FREM1: variants seen among roughly 807,000 people sequenced by gnomAD.
FREM1 encodes FRAS1 related extracellular matrix 1.
FREM1 carries 220 observed loss-of-function variants against 210.1 expected under a neutral mutation model. That is an observed-to-expected ratio of 1.05 (90% CI 0.94 to 1.17). The LOEUF is 1.17. Ranked by LOEUF, FREM1 falls within the 50% of genes most tolerant of loss-of-function variation. FREM1 has a pLI of 0.00. For missense variants in FREM1, 3,454 were observed against 2,675.5 expected, an observed-to-expected ratio of 1.29 and a Z score of -6.42; for synonymous variants, 1,189 against 980.2, an observed-to-expected ratio of 1.21 and a Z score of -3.98.
chr9:14,748,229 C>A (rs557165996), intron 31 of FREM1, among the ~76,000 whole-genome samples, 172 bp downstream of exon 31: 3 of 152,176 alleles, frequency 2.0e-5, no homozygotes, highest in Non-Finnish European at 4.4e-5. Context: ...AGCAAGGCAG[C>A]CTCAAGATCT....
intron 14 of FREM1, 115 bp downstream of exon 14, chr9:14,819,119 G>A (rs1285525310): frequency 1.3e-5 from 8 of 633,670 alleles, no homozygotes; most frequent in Admixed American, 3.1e-5. Flanking sequence ...TGTGTTAAGT[G>A]GCATGTTGGT....
intron 15 of FREM1, among the ~76,000 whole-genome samples, chr9:14,813,707 G>A (rs889523625): frequency 6.6e-6 from 1 of 152,092 alleles, no homozygotes; most frequent in African/African-American, 2.4e-5. Flanking sequence ...ATGGGATCAC[G>A]CTGGCACTCT....
intron 10 of FREM1, among the ~76,000 whole-genome samples, chr9:14,835,192 TGTTTAGTTTTTCA>T (rs1421826301): frequency 1.3e-5 from 2 of 152,234 alleles, no homozygotes; most frequent in African/African-American, 4.8e-5. Context: ...TGCTGATCCT[TGTTTAGTTTTTCA>T]GAGTCAAGGA....
At chr9:14,885,358 T>A (rs141786044) in intron 1 of FREM1, among the ~76,000 whole-genome samples, 1 of 152,280 alleles carries the variant, frequency 6.6e-6, no homozygotes, top group East Asian at 1.9e-4. Flanking sequence ...AATTATTTAT[T>A]GTTCGTTTTT....
intron 27 of FREM1, among the ~76,000 whole-genome samples, chr9:14,764,490 T>C (rs1846048978): frequency 6.6e-6 from 1 of 152,238 alleles, no homozygotes; most frequent in Admixed American, 6.5e-5. Context: ...GAGAGAAAGA[T>C]GGCATTGATA....
At position 14,880,625 on chromosome 9, in the gene FREM1, C is replaced by T. The variant is rs541828800; in HGVS notation, c.-267-11381G>A. ...TCAAAAAAAAAAAAAAAAAAAAGTACAAAAATTACATATGAGATTCATGTA... is the reference window on the plus strand; with the variant it reads ...TCAAAAAAAAAAAAAAAAAAAAGTATAAAAATTACATATGAGATTCATGTA... On this transcript the variant is annotated intron_variant, in intron 1 of 36. Coordinates refer to ENST00000380880, the MANE Select transcript of FREM1 (RefSeq NM_001379081.2). 1.8e-3 allele frequency among the ~76,000 whole-genome samples: 242 copies of T among 135,746 alleles called. 3 individuals carry two copies. The highest frequency in any genetic ancestry group is 7.8e-3 in the Middle Eastern group (2 of 256). The allele number at this position is 135,746 out of a possible 152,430, so 89.1% of individuals were successfully genotyped here. A position where few individuals can be genotyped will look rare whatever the true frequency, so the allele number is the denominator to read the frequency against.
intron 1 of FREM1, among the ~76,000 whole-genome samples, chr9:14,876,017 T>C (rs1217205410): frequency 1.3e-5 from 2 of 152,026 alleles, no homozygotes; most frequent in African/African-American, 2.4e-5. Context: ...AATGCTGCTG[T>C]CTGATCGTTC....
chr9:14,812,685 G>T, intron 16 of FREM1, 127 bp downstream of exon 16: 2 of 920,780 alleles, frequency 2.2e-6, no homozygotes, highest in South Asian at 2.1e-5. Context: ...TGGAGGCCAG[G>T]CTGCAGCTGC....
chr9:14,902,821 TG>T (rs1282050125), intron 1 of FREM1, among the ~76,000 whole-genome samples: 1 of 152,204 alleles, frequency 6.6e-6, no homozygotes, highest in Non-Finnish European at 1.5e-5. Context: ...GATTTTTAAA[TG>T]GGGGTTTATG....
intron 3 of FREM1, among the ~76,000 whole-genome samples, chr9:14,860,780 T>TGC (rs1554707468): frequency 1.2e-5 from 1 of 85,786 alleles, no homozygotes; most frequent in East Asian, 5.2e-4. Flanking sequence ...TACACATATA[T>TGC]ACATATATAC....
intron 1 of FREM1, among the ~76,000 whole-genome samples, chr9:14,874,162 G>T (rs769986601): frequency 6.6e-6 from 1 of 152,168 alleles, no homozygotes; most frequent in African/African-American, 2.4e-5. Context: ...GGGGTGGAGG[G>T]TTCTGCAGAT....
At chr9:14,908,005 G>C (rs908736452) in intron 1 of FREM1, among the ~76,000 whole-genome samples, 6 of 152,160 alleles carry the variant, frequency 3.9e-5, no homozygotes, top group Non-Finnish European at 7.4e-5. Context: ...TGGGCATTCT[G>C]AAATCCTTAA....
In FREM1 at chr9:14,841,421, G is replaced by GA. The variant is rs1159899419; in HGVS notation, c.1881+25dup. On this transcript the variant is annotated intron_variant, in intron 10 of 36. Coordinates refer to ENST00000380880, the MANE Select transcript of FREM1 (RefSeq NM_001379081.2). ...TTGACACCTGTGCACAAGACTTTGG[G>GA]AAAGTGTTCAGAAACAGTCTCTTAC... is the stretch of plus-strand genomic sequence containing the variant. 9 of 1,551,594 alleles carry GA rather than the reference G, an allele frequency of 5.8e-6. No individual in the cohort carries two copies. In the African/African-American group the frequency reaches 1.2e-4, roughly 21 times the overall value.
Position 14,829,208 on chromosome 9 carries a change from G to T in FREM1, c.1882-4216C>A, listed in dbSNP as rs569212070. Among the ~76,000 whole-genome samples, 3 of 152,262 alleles carry T rather than the reference G, an allele frequency of 2.0e-5. No homozygotes were observed. In the East Asian group the frequency reaches 5.8e-4, roughly 29 times the overall value. ...TTTAAGTCTTAAAACTACACTTACA[G>T]GTTGGTATCATGCTAGAGGGTAAGG... On this transcript the variant is annotated intron_variant, in intron 10 of 36. Transcript: ENST00000380880.
At position 14,860,894 on chromosome 9, in the gene FREM1, C is replaced by CGT. The variant is rs1459143796; in HGVS notation, c.330-1411_330-1410insAC. ...ATATACGTATATATACACATATATA[C>CGT]ATATATACACATATACACATATACA... is the stretch of plus-strand genomic sequence containing the variant. On this transcript the variant is annotated intron_variant, in intron 3 of 36. Coordinates refer to ENST00000380880, the MANE Select transcript of FREM1 (RefSeq NM_001379081.2). 1.0e-3 allele frequency among the ~76,000 whole-genome samples: 63 copies of CGT among 62,178 alleles called. 1 individual carries two copies. Among genetic ancestry groups the CGT allele is most frequent in the African/African-American group, 1.8e-3 (23 of 12,436 alleles). 40.8% of individuals were successfully genotyped at this position (62,178 alleles called of 152,430 possible).
chr9:14,751,538 T>C (rs1843389651), intron 29 of FREM1, among the ~76,000 whole-genome samples: 1 of 152,138 alleles, frequency 6.6e-6, no homozygotes, highest in South Asian at 2.1e-4. Flanking sequence ...CACGTGCCTG[T>C]GATCTCAACC....
At chr9:14,866,636 CCTT>C (rs369393434) in intron 2 of FREM1, among the ~76,000 whole-genome samples, 17 of 152,086 alleles carry the variant, frequency 1.1e-4, no homozygotes, top group African/African-American at 4.1e-4. Flanking sequence ...TGGGAATTTT[CCTT>C]CTTCTCTTTT....
intron 10 of FREM1, among the ~76,000 whole-genome samples, chr9:14,840,497 A>G (rs1825484194): frequency 6.6e-6 from 1 of 152,154 alleles, no homozygotes; most frequent in Non-Finnish European, 1.5e-5. Flanking sequence ...GCAGAGAGAG[A>G]GCGCGCAAGC....
intron 3 of FREM1, among the ~76,000 whole-genome samples, chr9:14,860,974 CAT>C (rs1308925966): frequency 9.0e-6 from 1 of 111,444 alleles, no homozygotes; most frequent in African/African-American, 4.2e-5. Context: ...CACATATATA[CAT>C]ATATACACAT....
Sources: allele counts gnomAD v4.1 joint callset (sites outside exome capture counted in the v4.1 genomes callset), GRCh38; gene constraint gnomAD v4.1.1; transcripts MANE v1.5; gene names NCBI Gene and HGNC (gene_info 2026-07-23, HGNC 2026-07-21).